The following MYO15B variants were observed in gnomAD, a reference collection of about 807,000 sequenced individuals.
MYO15B encodes the protein myosin XVB.
In MYO15B, 207 loss-of-function variants were observed where a neutral mutation model predicts 119.3. The ratio of observed to expected loss-of-function variants is 1.73; its 90% CI spans 1.55 to 1.95. MYO15B has a LOEUF of 1.95. MYO15B is among the 30% of genes most tolerant of loss of function. The pLI, the probability that MYO15B is intolerant of heterozygous loss-of-function variation, is 0.00. For missense variants in MYO15B, 2,264 were observed against 1,203.1 expected, an observed-to-expected ratio of 1.88 and a Z score of -13.04; for synonymous variants, 966 against 498.9, an observed-to-expected ratio of 1.94 and a Z score of -12.48.
At chr17:75,617,162 C>A in exon 41 of MYO15B, 1 of 691,542 alleles carries the variant, frequency 1.4e-6, no homozygotes, top group Non-Finnish European at 2.6e-6. Context: ...AGCTTGGGCC[C>A]TCTAGCTCCA....
At chr17:75,619,605 G>A (rs750708585) in intron 45 of MYO15B, 76 bp from the exon 46 acceptor site, 105 of 693,712 alleles carry the variant, frequency 1.5e-4, no homozygotes, top group Non-Finnish European at 2.6e-4. Flanking sequence ...CCAGCCACTG[G>A]CCCTGGGCAG....
At chr17:75,617,619 C>T (rs1392315913) in intron 41 of MYO15B, 191 bp from the exon 42 acceptor site, 16 of 541,280 alleles carry the variant, frequency 3.0e-5, no homozygotes, top group African/African-American at 6.2e-5. Flanking sequence ...ACGAGCCTCA[C>T]GGACGCCAGG....
At chr17:75,595,220 G>A (rs566065089) in intron 12 of MYO15B, among the ~76,000 whole-genome samples, 27 of 152,288 alleles carry the variant, frequency 1.8e-4, no homozygotes, top group Middle Eastern at 3.4e-3. Flanking sequence ...GGCTGTCTGC[G>A]CGCCTTGGAG....
Position 75,626,620 on chromosome 17 carries a change from C to T in MYO15B, c.*136C>T. Reference sequence around the variant, plus strand: ...ACAGCCCAGCCGGCCCACATGCAGGCCATGAGGCAGGGGCTGCTATCACGT... The same window carrying T: ...ACAGCCCAGCCGGCCCACATGCAGGTCATGAGGCAGGGGCTGCTATCACGT... On this transcript the variant is annotated 3_prime_UTR_variant, in exon 64 of 64. Transcript: ENST00000645453. The T allele has an allele frequency of 1.3e-5, 8 of 636,878 alleles. No individual in the cohort carries two copies. In the East Asian group the frequency reaches 1.4e-4, roughly 11 times the overall value. The allele number at this position is 636,878 out of a possible 1,614,324, so 39.5% of individuals were successfully genotyped here. A position where few individuals can be genotyped will look rare whatever the true frequency, so the allele number is the denominator to read the frequency against.
chr17:75,616,771 C>G (rs186975651), exon 39 of MYO15B: 4 of 702,906 alleles, frequency 5.7e-6, no homozygotes, highest in Non-Finnish European at 1.0e-5. Context: ...TGCCTGTGCC[C>G]GTGCAGCCAT....
At chr17:75,596,827 C>T (rs1188545439) in exon 14 of MYO15B, 1 of 702,922 alleles carries the variant, frequency 1.4e-6, no homozygotes, top group South Asian at 1.5e-5. Flanking sequence ...CGAGGGAGTC[C>T]TGCCTAGACC....
exon 31 of MYO15B, chr17:75,614,606 C>T (rs2148011449): frequency 1.4e-6 from 1 of 701,256 alleles, no homozygotes; most frequent in Non-Finnish European, 2.6e-6. Context: ...CCCCTTGCCC[C>T]TGGCATTCAG....
exon 41 of MYO15B, chr17:75,617,291 A>G (rs1297155164): frequency 4.6e-6 from 3 of 648,052 alleles, no homozygotes; most frequent in Admixed American, 2.6e-5. Flanking sequence ...GGACCCTTTC[A>G]GCAGAGCGTC....
At chr17:75,591,192 C>T (rs1169261642) in exon 4 of MYO15B, 2 of 702,884 alleles carry the variant, frequency 2.8e-6, no homozygotes, top group African/African-American at 1.7e-5. Context: ...GCCATCGTGG[C>T]ATCAGCCTAT....
chr17:75,612,824 G>A (rs73995913), exon 26 of MYO15B: 47,444 of 702,914 alleles, frequency 0.067, 1,832 homozygotes, highest in South Asian at 0.079. Context: ...GGCCAGGGCA[G>A]CCACTGGCGA....
At position 75,596,345 on chromosome 17, in the gene MYO15B, A is replaced by G. The variant is rs542668797; in HGVS notation, c.3298-115A>G. The G allele has an allele frequency of 3.0e-4, 190 of 633,104 alleles. 1 individual carries two copies. In the South Asian group the frequency reaches 3.3e-3, roughly 11 times the overall value. 39.2% of individuals were successfully genotyped at this position (633,104 alleles called of 1,614,324 possible). On this transcript the variant is annotated intron_variant, in intron 12 of 63. Coordinates refer to ENST00000645453, the Ensembl canonical transcript of MYO15B. ...CTTTAGACTTGACCCTGTTGGCTAC[A>G]CAGCATCAGCCCTGGGTATTACTCA...
chr17:75,621,933 G>A, intron 52 of MYO15B, 71 bp from the exon 53 acceptor site: 1 of 690,096 alleles, frequency 1.4e-6, no homozygotes, highest in South Asian at 1.5e-5. Flanking sequence ...GCCCTGCACA[G>A]CAACAGCATG....
intron 24 of MYO15B, 30 bp from the exon 25 acceptor site, chr17:75,611,856 C>T (rs1035109411): frequency 2.8e-6 from 2 of 702,396 alleles, no homozygotes; most frequent in African/African-American, 1.7e-5. Flanking sequence ...CCTGGATGCT[C>T]CTGGGCTGCC....
At chr17:75,607,878 A>G (rs747485142) in intron 21 of MYO15B, among the ~76,000 whole-genome samples, 3 of 152,190 alleles carry the variant, frequency 2.0e-5, no homozygotes, top group Non-Finnish European at 4.4e-5. Flanking sequence ...TGCTTTCCAT[A>G]GTGGCTGCAT....
chr17:75,601,685 G>C (rs915366114), intron 15 of MYO15B, 122 bp downstream of exon 15: 6 of 629,762 alleles, frequency 9.5e-6, no homozygotes, highest in African/African-American at 1.8e-5. Context: ...TTGGACACCT[G>C]TCCCTACCTG....
At chr17:75,600,897 ATTTTTAATT>A (rs1403245802) in intron 14 of MYO15B, among the ~76,000 whole-genome samples, 1 of 119,270 alleles carries the variant, frequency 8.4e-6, no homozygotes, top group Admixed American at 9.0e-5. Context: ...CACCCAGCTA[ATTTTTAATT>A]TTTTTTTTTT....
chr17:75,610,103 G>A, intron 21 of MYO15B, 63 bp from the exon 22 acceptor site: 5 of 626,888 alleles, frequency 8.0e-6, no homozygotes, highest in Non-Finnish European at 1.2e-5. Flanking sequence ...AGGGATTCCA[G>A]TGCCAGGCAG....
At chr17:75,594,136 G>A (rs554404145) in intron 9 of MYO15B, among the ~76,000 whole-genome samples, 2 of 145,328 alleles carry the variant, frequency 1.4e-5, no homozygotes, top group South Asian at 4.3e-4. Flanking sequence ...CAGCTGTTAT[G>A]TACCTGGGTA....
chr17:75,611,387 A>G (rs11077795), intron 23 of MYO15B, among the ~76,000 whole-genome samples: 36,503 of 150,454 alleles, frequency 0.24, 4,583 homozygotes, highest in Non-Finnish European at 0.29. Context: ...CGCTTGAGCT[A>G]GAGCCTCAGA....
Sources: allele counts gnomAD v4.1 joint callset (sites outside exome capture counted in the v4.1 genomes callset), GRCh38; gene constraint gnomAD v4.1.1; transcripts MANE v1.5; gene names NCBI Gene and HGNC (gene_info 2026-07-23, HGNC 2026-07-21).